PDE7B: variants seen among roughly 807,000 people sequenced by gnomAD.
PDE7B encodes the protein phosphodiesterase 7B, also known as 3',5'-cyclic-AMP phosphodiesterase 7B.
A neutral mutation model predicts 56.2 loss-of-function variants in PDE7B; 29 were observed. The ratio of observed to expected loss-of-function variants is 0.52; its 90% CI spans 0.38 to 0.70. The LOEUF is 0.70. Among genes scored for constraint, PDE7B ranks in the 30% least tolerant of loss-of-function variants. PDE7B has a pLI of 0.00. For missense variants in PDE7B, 490 were observed against 565.0 expected (o/e 0.87, Z 1.35); for synonymous variants, 197 against 196.9 (o/e 1.00, Z 0.00).
At chr6:135,935,047 TTA>T (rs1398824102) in intron 1 of PDE7B, among the ~76,000 whole-genome samples, 13 of 66,366 alleles carry the variant, frequency 2.0e-4, no homozygotes, top group African/African-American at 7.7e-4. Flanking sequence ...TCTATATATT[TTA>T]TATAGAGATG....
intron 1 of PDE7B, among the ~76,000 whole-genome samples, chr6:135,941,290 C>T (rs1298368158): frequency 1.3e-5 from 2 of 152,116 alleles, no homozygotes; most frequent in Admixed American, 6.5e-5. Flanking sequence ...AGTCATATGT[C>T]AGGGGTTCTT....
At chr6:135,865,568 G>C (rs1218094785) in intron 1 of PDE7B, among the ~76,000 whole-genome samples, 1 of 151,622 alleles carries the variant, frequency 6.6e-6, no homozygotes, top group Non-Finnish European at 1.5e-5. Flanking sequence ...TTGAATCAAA[G>C]TGGCTGGTTT....
At chr6:135,991,593 A>C (rs1233360453) in intron 2 of PDE7B, among the ~76,000 whole-genome samples, 1 of 152,216 alleles carries the variant, frequency 6.6e-6, no homozygotes, top group African/African-American at 2.4e-5. Context: ...CTTTGGGTCC[A>C]CAATTAGATT....
chr6:135,950,840 G>T (rs1413113981), intron 2 of PDE7B, among the ~76,000 whole-genome samples: 1 of 152,140 alleles, frequency 6.6e-6, no homozygotes, highest in Non-Finnish European at 1.5e-5. Context: ...CCATGAATAT[G>T]CCATTCTTAT....
At chr6:135,905,448 G>C (rs1417403913) in intron 1 of PDE7B, among the ~76,000 whole-genome samples, 1 of 151,894 alleles carries the variant, frequency 6.6e-6, no homozygotes, top group Non-Finnish European at 1.5e-5. Flanking sequence ...ACACTAACCA[G>C]ATTCCAAAGT....
At chr6:135,932,702 C>T (rs537712899) in intron 1 of PDE7B, among the ~76,000 whole-genome samples, 7 of 152,266 alleles carry the variant, frequency 4.6e-5, no homozygotes, top group African/African-American at 1.7e-4. Flanking sequence ...GAAGCAGGTT[C>T]AGAAAGTCTC....
intron 1 of PDE7B, among the ~76,000 whole-genome samples, chr6:135,929,970 C>T (rs1269361899): frequency 3.3e-5 from 5 of 152,118 alleles, no homozygotes; most frequent in African/African-American, 4.8e-5. Context: ...GAGCTGAAGG[C>T]CTTGTGTGCC....
intron 1 of PDE7B, among the ~76,000 whole-genome samples, chr6:135,861,525 A>T (rs1775146238): frequency 6.7e-6 from 1 of 149,586 alleles, no homozygotes; most frequent in African/African-American, 2.4e-5. Flanking sequence ...TTATATATAT[A>T]TAATAAACAT....
chr6:135,969,465 T>G (rs951356910), intron 2 of PDE7B, among the ~76,000 whole-genome samples: 1 of 152,094 alleles, frequency 6.6e-6, no homozygotes, highest in Non-Finnish European at 1.5e-5. Flanking sequence ...GGGTCTTCCT[T>G]GGCTCATTAG....
At chr6:135,969,902 C>G (rs1348075827) in intron 2 of PDE7B, among the ~76,000 whole-genome samples, 1 of 151,964 alleles carries the variant, frequency 6.6e-6, no homozygotes, top group Non-Finnish European at 1.5e-5. Flanking sequence ...AGAAAATAAC[C>G]CAGGTGGGGA....
intron 2 of PDE7B, among the ~76,000 whole-genome samples, chr6:136,000,555 TA>T (rs767489364): frequency 4.6e-5 from 7 of 152,202 alleles, no homozygotes; most frequent in Non-Finnish European, 7.3e-5. Context: ...ATCAGATGGC[TA>T]AAGGTGTATG....
At chr6:136,039,933 C>T (rs527458981) in intron 2 of PDE7B, among the ~76,000 whole-genome samples, 1 of 152,260 alleles carries the variant, frequency 6.6e-6, no homozygotes, top group South Asian at 2.1e-4. Context: ...CAAACTGCAC[C>T]CTTTGATAAA....
At chr6:136,113,596 A>C (rs993215694) in intron 3 of PDE7B, among the ~76,000 whole-genome samples, 1 of 152,102 alleles carries the variant, frequency 6.6e-6, no homozygotes, top group Non-Finnish European at 1.5e-5. Context: ...AAGGGGGAAA[A>C]TTGTTTTTAT....
intron 1 of PDE7B, among the ~76,000 whole-genome samples, chr6:135,936,963 G>T (rs1774431618): frequency 6.6e-6 from 1 of 152,196 alleles, no homozygotes; most frequent in African/African-American, 2.4e-5. Context: ...ATCTGATTGT[G>T]AACACACTGT....
chr6:135,934,192 A>G (rs80191192), intron 1 of PDE7B, among the ~76,000 whole-genome samples: 3,021 of 152,232 alleles, frequency 0.02, 93 homozygotes, highest in African/African-American at 0.066. Flanking sequence ...ACTACAAACC[A>G]TGAATAACAT....
At chr6:136,179,960 T>C (rs1779036763) in intron 10 of PDE7B, among the ~76,000 whole-genome samples, 1 of 152,224 alleles carries the variant, frequency 6.6e-6, no homozygotes, top group African/African-American at 2.4e-5. Flanking sequence ...ATGTCACAAA[T>C]AAAAATGTGA....
At chr6:136,179,197 T>C in intron 10 of PDE7B, 56 bp downstream of exon 10, 2 of 1,533,712 alleles carry the variant, frequency 1.3e-6, no homozygotes, top group East Asian at 4.5e-5. Flanking sequence ...TCAGCTGGGC[T>C]GGGTGTGGTG....
At chr6:135,932,465 TAA>T (rs143700427) in intron 1 of PDE7B, among the ~76,000 whole-genome samples, 5 of 151,470 alleles carry the variant, frequency 3.3e-5, no homozygotes, top group South Asian at 2.1e-4. Context: ...AAAATAAGTT[TAA>T]AAAAAAATCA....
chr6:136,191,763 AG>A lies in PDE7B; in HGVS notation c.1277del (p.Ser426ThrfsTer96). 1 of 1,592,164 alleles carries A rather than the reference AG, an allele frequency of 6.3e-7. No individual in the cohort carries two copies. The highest frequency in any genetic ancestry group is 8.5e-7 in the Non-Finnish European group (1 of 1,169,592). ...GCCCAGGCAGCACAGAAGCAGGGGC[AG>A]CAGTGGCAGCGGGCCTGACCACGAC... ...LLPRQHRSRG[S>X]SGSGPDHDHA... is the part of the protein sequence containing the mutation. On this transcript the variant is annotated frameshift_variant, in exon 13 of 13. Coordinates refer to ENST00000308191, the MANE Select transcript of PDE7B (RefSeq NM_018945.4). LOFTEE classifies it low-confidence loss of function (END_TRUNC).
Sources: allele counts gnomAD v4.1 joint callset (sites outside exome capture counted in the v4.1 genomes callset), GRCh38; gene constraint gnomAD v4.1.1; transcripts MANE v1.5; gene names NCBI Gene and HGNC (gene_info 2026-07-23, HGNC 2026-07-21).